Variants in WDR3 observed in about 807,000 individuals in gnomAD.
WDR3 encodes the protein WD repeat-containing protein 3.
A neutral mutation model predicts 123.7 loss-of-function variants in WDR3; 81 were observed. The ratio of observed to expected loss-of-function variants is 0.65; its 90% confidence interval spans 0.55 to 0.79. WDR3 has a LOEUF of 0.79. WDR3 is among the 30% of genes least tolerant of loss of function. The pLI is 0.00. For missense variants in WDR3, 1,027 were observed against 1,123.2 expected, an observed-to-expected ratio of 0.91 and a Z score of 1.22; for synonymous variants, 390 against 388.8, an observed-to-expected ratio of 1.00 and a Z score of -0.04.
At position 117,943,573 on chromosome 1, in the gene WDR3, A is replaced by G. The variant is rs1318228789; in HGVS notation, c.1275A>G (p.Ser425=). ...ATGTGCGGACTTTGTCATTCAGCTC[A>G]GACAATATTGCTGTTCTTTCAGCTG... ...RSDVRTLSFS[S]DNIAVLSAAA... is the part of the protein sequence containing the mutation. The change falls in exon 11 of 27, where the codon TCA becomes TCG. Residue 425 remains serine, a synonymous_variant. Transcript: ENST00000349139. 6.2e-7 allele frequency: 1 copy of G among 1,614,068 alleles called. No homozygotes were observed. Among genetic ancestry groups the G allele is most frequent in the African/African-American group, 1.3e-5 (1 of 74,936 alleles).
intron 13 of WDR3, 79 bp downstream of exon 13, chr1:117,948,585 G>C: frequency 5.1e-6 from 5 of 983,106 alleles, no homozygotes; most frequent in Non-Finnish European, 7.1e-6. Context: ...TTTAAAGAAA[G>C]CCTGAGGTTT....
Position 117,938,563 on chromosome 1 carries a change from G to A in WDR3, c.579+5G>A, listed in dbSNP as rs1651023841. 6.2e-7 allele frequency: 1 copy of A among 1,612,788 alleles called. No individual in the cohort carries two copies. The highest frequency in any genetic ancestry group is 8.5e-7 in the Non-Finnish European group (1 of 1,179,090). On this transcript the variant is annotated splice_donor_5th_base_variant and intron_variant, in intron 5 of 26. Coordinates refer to ENST00000349139, the MANE Select transcript of WDR3 (RefSeq NM_006784.3). ...ATGGTTGGCCACCGGACTGAGGTAA[G>A]TGTAGGGTCATGGGCCCAGGGAAAT...
chr1:117,953,661 G>T, intron 21 of WDR3, 120 bp downstream of exon 21: 1 of 906,194 alleles, frequency 1.1e-6, no homozygotes, highest in Non-Finnish European at 1.7e-6. Context: ...GAGATTTAAA[G>T]ATGGGGATTA....
intron 1 of WDR3, 40 bp from the exon 2 acceptor site, chr1:117,933,248 G>A (rs1056914528): frequency 2.0e-5 from 31 of 1,558,510 alleles, no homozygotes; most frequent in Non-Finnish European, 2.4e-5. Flanking sequence ...GTAGAACCAA[G>A]GCACCCAAGG....
In WDR3 at chr1:117,948,457, T is replaced by C. The variant is rs769513284; in HGVS notation, c.1475T>C (p.Ile492Thr). ...DLASGNLLET[I>T]DAHDGALWSM... ...GCTTCAGGGAATCTGCTGGAGACAA[T>C]AGATGCACATGATGGAGCTTTGTGG... Residue 492 changes from isoleucine (I) to threonine (T), a missense_variant, in exon 13 of 27, where the codon ATA becomes ACA. By Grantham distance (89) the Ile-to-Thr change is moderately conservative. Transcript: ENST00000349139. 2.5e-5 allele frequency: 41 copies of C among 1,613,872 alleles called. No individual in the cohort carries two copies. The highest frequency in any genetic ancestry group is 2.8e-5 in the Non-Finnish European group (33 of 1,179,972).
intron 18 of WDR3, 30 bp downstream of exon 18, chr1:117,952,438 T>C (rs374794676): frequency 2.5e-6 from 4 of 1,602,738 alleles, no homozygotes; most frequent in African/African-American, 1.3e-5. Context: ...GCTTGCTTGG[T>C]ACTTAAGAAA....
At position 117,959,456 on chromosome 1, in the gene WDR3, T is replaced by TCA; in HGVS notation, c.*9_*10insCA. On this transcript the variant is annotated 3_prime_UTR_variant, in exon 27 of 27. Transcript: ENST00000349139. The stretch of plus-strand genomic sequence containing the variant: ...TTCTAACGTTGACTTAGAACTGAAA[T>TCA]GTGGTATCTTTTTTTTTTTCAACTT... 1 of 1,582,340 alleles carries TCA rather than the reference T, an allele frequency of 6.3e-7. No homozygotes were observed. The highest frequency in any genetic ancestry group is 2.2e-5 in the East Asian group (1 of 44,492).
chr1:117,946,245 C>G (rs1651375806), intron 12 of WDR3, 66 bp downstream of exon 12: 1 of 1,314,250 alleles, frequency 7.6e-7, no homozygotes, highest in Non-Finnish European at 1.1e-6. Flanking sequence ...GTTAAGAAAT[C>G]TGGTTCTTCT....
At chr1:117,948,375 T>C (rs1310442945) in intron 12 of WDR3, 30 bp from the exon 13 acceptor site, 1 of 1,594,310 alleles carries the variant, frequency 6.3e-7, no homozygotes, top group Non-Finnish European at 8.6e-7. Flanking sequence ...GTATGTTCAT[T>C]GGAGCTGTGC....
At chr1:117,953,587 A>C in intron 21 of WDR3, 46 bp downstream of exon 21, 38 of 1,584,254 alleles carry the variant, frequency 2.4e-5, no homozygotes, top group Non-Finnish European at 3.0e-5. Flanking sequence ...ATAAGATCTC[A>C]ACTTTTTAGT....
chr1:117,953,477 T>G lies in WDR3; in HGVS notation c.2204T>G (p.Val735Gly). 6.2e-7 allele frequency: 1 copy of G among 1,612,704 alleles called. No homozygotes were observed. The highest frequency in any genetic ancestry group is 8.5e-7 in the Non-Finnish European group (1 of 1,179,070). Residue 735 changes from valine to glycine, a missense_variant and splice_region_variant, in exon 21 of 27, where the codon GTT becomes GGT. Transcript: ENST00000349139. ...ESVAKEDQPA[V>G]PGETQGDSYF... ...CAAGGATTTCTTTGTTTCTGGCAGG[T>G]TCCAGGAGAGACTCAAGGTGACAGT...
At position 117,966,429 on chromosome 1, in the gene WDR3, T is replaced by G. The variant is rs1282456521; in HGVS notation, c.*6982T>G. On this transcript the variant is annotated 3_prime_UTR_variant, in exon 27 of 27. Transcript: ENST00000349139. ...GCACATATACTATGTGTCAGGTATT[T>G]TTTTAGATTTGGCTAGGTGCTTTCA... 5.8e-6 allele frequency: 3 copies of G among 520,824 alleles called. No homozygotes were observed. Among genetic ancestry groups the G allele is most frequent in the South Asian group, 9.2e-5 (2 of 21,820 alleles). 32.3% of individuals were successfully genotyped at this position (520,824 alleles called of 1,614,324 possible).
chr1:117,944,979 C>T (rs1651316718), intron 11 of WDR3, among the ~76,000 whole-genome samples: 1 of 152,206 alleles, frequency 6.6e-6, no homozygotes, highest in Non-Finnish European at 1.5e-5. Context: ...AGGCATGAGC[C>T]ACCGCACCCA....
At position 117,941,820 on chromosome 1, in the gene WDR3, A is replaced by G; in HGVS notation, c.962A>G (p.Lys321Arg). The G allele has an allele frequency of 6.2e-7, 1 of 1,610,476 alleles. No homozygotes were observed. Among genetic ancestry groups the G allele is most frequent in the Non-Finnish European group, 8.5e-7 (1 of 1,179,118 alleles). Residue 321 changes from lysine (K) to arginine (R), a missense_variant, in exon 9 of 27, where the codon AAG (lysine) becomes AGG (arginine). Transcript: ENST00000349139. ...GAAATTCAGAAGAAAATGGATAAGAAGATGAAGAAAGCTAGAAAGAAAGCA... is the reference window on the plus strand; with the variant it reads ...GAAATTCAGAAGAAAATGGATAAGAGGATGAAGAAAGCTAGAAAGAAAGCA... ...KKEIQKKMDK[K>R]MKKARKKAKL...
intron 10 of WDR3, 114 bp from the exon 11 acceptor site, chr1:117,943,282 A>G (rs956027712): frequency 4.4e-6 from 4 of 912,336 alleles, no homozygotes; most frequent in Non-Finnish European, 6.6e-6. Flanking sequence ...AAAATTGTTT[A>G]TAGTTATTCA....
At chr1:117,941,375 A>C (rs1651164934) in intron 8 of WDR3, 150 bp downstream of exon 8, 1 of 717,784 alleles carries the variant, frequency 1.4e-6, no homozygotes, top group African/African-American at 1.8e-5. Flanking sequence ...CTCTAGCTTT[A>C]TTAGCATAAC....
At chr1:117,939,294 AT>A (rs1180975489) in intron 5 of WDR3, among the ~76,000 whole-genome samples, 182 bp from the exon 6 acceptor site, 2 of 152,042 alleles carry the variant, frequency 1.3e-5, no homozygotes, top group Non-Finnish European at 1.5e-5. Context: ...ACCGCAGGCC[AT>A]TTTTTTCTCT....
chr1:117,936,776 A>T lies in WDR3; in HGVS notation c.389A>T (p.Asp130Val), dbSNP rs752674360. 1.2e-6 allele frequency: 2 copies of T among 1,610,432 alleles called. No homozygotes were observed. The highest frequency in any genetic ancestry group is 4.5e-5 in the East Asian group (2 of 44,784). ...ATTATTTGATCCCTTTAGGACACAG[A>T]TATTATTGTATGGGATGTGATCAAT... The part of the protein sequence containing the change: ...GRLASGSKDT[D>V]IIVWDVINES... Residue 130 changes from aspartate (D) to valine (V), a missense_variant, in exon 4 of 27, where the codon GAT becomes GTT. Transcript: ENST00000349139.
intron 6 of WDR3, 52 bp downstream of exon 6, chr1:117,939,624 C>T: frequency 6.4e-7 from 1 of 1,556,630 alleles, no homozygotes. Flanking sequence ...TCATAAGCAC[C>T]TTGGATTTAG....
Sources: allele counts gnomAD v4.1 joint callset (sites outside exome capture counted in the v4.1 genomes callset), GRCh38; gene constraint gnomAD v4.1.1; transcripts MANE v1.5; gene names NCBI Gene and HGNC (gene_info 2026-07-23, HGNC 2026-07-21).